BEST3: variants seen among roughly 807,000 people sequenced by gnomAD.
The protein encoded by BEST3 is bestrophin-3.
BEST3 carries 50 observed loss-of-function variants against 47.1 expected under a neutral mutation model. The observed-to-expected ratio is 1.06, with a 90% confidence interval of 0.85 to 1.34. The LOEUF is 1.34. Among genes scored for constraint, BEST3 ranks in the 40% most tolerant of loss-of-function variants. The pLI is 0.00. For missense variants in BEST3, 765 were observed against 817.0 expected, an observed-to-expected ratio of 0.94 and a Z score of 0.78; for synonymous variants, 282 against 298.8, an observed-to-expected ratio of 0.94 and a Z score of 0.58.
chr12:69,697,815 T>C lies in BEST3; in HGVS notation c.-15-2A>G, dbSNP rs1886191358. On this transcript the variant is annotated splice_acceptor_variant, in intron 1 of 9. Transcript: ENST00000330891. LOFTEE classifies it low-confidence loss of function (5UTR_SPLICE). ...GACAGTCATCTTGGATAGTTTTTTC[T>C]AGAAGAGCAAGAAGACAAAACACAA... 2 of 1,598,390 alleles carry C rather than the reference T, an allele frequency of 1.3e-6. No homozygotes were observed. The highest frequency in any genetic ancestry group is 1.7e-6 in the Non-Finnish European group (2 of 1,174,930).
At chr12:69,690,823 T>C (rs528491445) in intron 4 of BEST3, among the ~76,000 whole-genome samples, 19 of 152,308 alleles carry the variant, frequency 1.2e-4, no homozygotes, top group Non-Finnish European at 2.5e-4. Context: ...CTAGTAGCAT[T>C]TTTAACTAGG....
At chr12:69,658,291 G>A (rs543632610) in intron 9 of BEST3, among the ~76,000 whole-genome samples, 1 of 152,268 alleles carries the variant, frequency 6.6e-6, no homozygotes, top group South Asian at 2.1e-4. Flanking sequence ...TGACTCAAAA[G>A]ACAAAAACCT....
chr12:69,650,133 A>G (rs1257721133), downstream of BEST3, among the ~76,000 whole-genome samples: 1 of 152,218 alleles, frequency 6.6e-6, no homozygotes, highest in Non-Finnish European at 1.5e-5. Context: ...AAATTGGTGC[A>G]TTTTCCATTT....
downstream of BEST3, chr12:69,653,552 A>G: frequency 1.3e-6 from 1 of 764,972 alleles, no homozygotes; most frequent in Non-Finnish European, 1.6e-6. Context: ...AAATAACAGT[A>G]TATCAGTCTC....
rs537780742 is a variant in BEST3 at position 69,698,990 on chromosome 12, G to A, written c.-16+215C>T. Among the ~76,000 whole-genome samples, 4 of 152,292 alleles carry A rather than the reference G, an allele frequency of 2.6e-5. No individual in the cohort carries two copies. The South Asian group carries it at 6.2e-4, about 24-fold the overall frequency. On this transcript the variant is annotated intron_variant, in intron 1 of 9. Coordinates refer to ENST00000330891, the MANE Select transcript of BEST3 (RefSeq NM_032735.3). Reference sequence around the variant, plus strand: ...TTTACCTTGTCTATTTGCCTAGTGCGAATACAGCCAAAATTGGGAGAGGAG... The same window carrying A: ...TTTACCTTGTCTATTTGCCTAGTGCAAATACAGCCAAAATTGGGAGAGGAG...
At chr12:69,692,780 G>T (rs1885970013) in intron 4 of BEST3, among the ~76,000 whole-genome samples, 1 of 152,068 alleles carries the variant, frequency 6.6e-6, no homozygotes, top group Non-Finnish European at 1.5e-5. Flanking sequence ...TTTATTTTTT[G>T]GGGACTGATG....
At chr12:69,668,847 A>G (rs1310593967) in intron 9 of BEST3, among the ~76,000 whole-genome samples, 1 of 152,208 alleles carries the variant, frequency 6.6e-6, no homozygotes, top group Non-Finnish European at 1.5e-5. Context: ...TTCAGTTTCA[A>G]GAGTTGGAAA....
At chr12:69,666,630 GCT>G (rs999450336) in intron 9 of BEST3, among the ~76,000 whole-genome samples, 26 of 152,134 alleles carry the variant, frequency 1.7e-4, no homozygotes, top group Admixed American at 1.6e-3. Flanking sequence ...TTCGTATTCT[GCT>G]CTGTTTCCTT....
intron 8 of BEST3, among the ~76,000 whole-genome samples, chr12:69,672,628 G>A (rs1884649099): frequency 6.6e-6 from 1 of 152,052 alleles, no homozygotes; most frequent in African/African-American, 2.4e-5. Context: ...GAAAGAGGCT[G>A]GAAAAAGCTA....
intron 9 of BEST3, among the ~76,000 whole-genome samples, chr12:69,664,703 A>G (rs1194796710): frequency 6.8e-6 from 1 of 147,364 alleles, no homozygotes; most frequent in East Asian, 1.9e-4. Flanking sequence ...TATATATTAT[A>G]TAAATATATA....
chr12:69,678,284 A>G (rs1243239046), intron 5 of BEST3, among the ~76,000 whole-genome samples: 1 of 152,170 alleles, frequency 6.6e-6, no homozygotes, highest in African/African-American at 2.4e-5. Context: ...TAATGAAAAT[A>G]CTATTTTACT....
chr12:69,663,723 A>T (rs942365199), intron 9 of BEST3, among the ~76,000 whole-genome samples: 1 of 152,144 alleles, frequency 6.6e-6, no homozygotes, highest in Non-Finnish European at 1.5e-5. Context: ...CAGGAGGCTG[A>T]GGCAGGAAGA....
chr12:69,679,848 G>A (rs1472824376), intron 4 of BEST3, among the ~76,000 whole-genome samples: 2 of 152,104 alleles, frequency 1.3e-5, no homozygotes, highest in Non-Finnish European at 2.9e-5. Flanking sequence ...GCTATAGAGC[G>A]AGACTGTCTC....
chr12:69,664,373 C>T (rs564110023), intron 9 of BEST3, among the ~76,000 whole-genome samples: 46 of 152,292 alleles, frequency 3.0e-4, no homozygotes, highest in Middle Eastern at 3.4e-3. Flanking sequence ...ATCTCCCCCT[C>T]TCCCCTTACT....
At chr12:69,671,641 T>G in intron 8 of BEST3, 62 bp from the exon 9 acceptor site, 1 of 1,534,262 alleles carries the variant, frequency 6.5e-7, no homozygotes, top group East Asian at 2.3e-5. Context: ...AGGAGAAGTT[T>G]TTTTGGGCAG....
At chr12:69,696,698 C>T (rs1886145232) in intron 2 of BEST3, among the ~76,000 whole-genome samples, 1 of 152,140 alleles carries the variant, frequency 6.6e-6, no homozygotes, top group African/African-American at 2.4e-5. Context: ...ATTAATATCC[C>T]TCTTTTCCAA....
intron 8 of BEST3, 74 bp from the exon 9 acceptor site, chr12:69,671,653 T>A: frequency 1.4e-6 from 2 of 1,427,788 alleles, no homozygotes; most frequent in South Asian, 2.4e-5. Context: ...TTTGGGCAGA[T>A]GAGAGTTAGA....
At chr12:69,657,757 G>A (rs1320424885) in intron 9 of BEST3, among the ~76,000 whole-genome samples, 5 of 152,160 alleles carry the variant, frequency 3.3e-5, no homozygotes, top group Admixed American at 2.0e-4. Flanking sequence ...AAGAAACGTC[G>A]TTCCTCATGT....
Position 69,693,697 on chromosome 12 carries a change from G to A in BEST3, c.458C>T (p.Thr153Ile). ...ACCTGCTTCAACCACGTGGTCCATT[G>A]TGGGAAATCTTTTGTACACAGCAGT... Reference protein sequence around the residue: ...VSTAVYKRFPTMDHVVEAGFM... With the variant: ...VSTAVYKRFPIMDHVVEAGFM... The change falls in exon 4 of 10, where the codon ACA (threonine) becomes ATA (isoleucine). Residue 153 changes from threonine (T) to isoleucine (I), a missense_variant. Physicochemically the swap from Thr to Ile is moderately conservative, Grantham distance 89. Coordinates refer to ENST00000330891, the MANE Select transcript of BEST3 (RefSeq NM_032735.3). The A allele has an allele frequency of 6.2e-7, 1 of 1,612,398 alleles. No homozygotes were observed. Among genetic ancestry groups the A allele is most frequent in the African/African-American group, 1.3e-5 (1 of 75,012 alleles).
Sources: gnomAD v4.1 joint callset for allele counts (sites outside exome capture counted in the v4.1 genomes callset) on GRCh38, gnomAD v4.1.1 for gene constraint, MANE v1.5 for transcripts, NCBI Gene and HGNC (gene_info 2026-07-23, HGNC 2026-07-21) for gene names.